The following SHANK2 variants were observed in gnomAD, a reference collection of about 807,000 sequenced individuals.
SHANK2 encodes SH3 and multiple ankyrin repeat domains 2.
A neutral mutation model predicts 133.7 loss-of-function variants in SHANK2; 43 were observed. The ratio of observed to expected loss-of-function variants is 0.32; its 90% CI spans 0.25 to 0.41. The LOEUF is 0.41. SHANK2 is among the 10% of genes least tolerant of loss of function. SHANK2 has a pLI of 1.00. For missense variants in SHANK2, 1,994 were observed against 2,235.8 expected, an observed-to-expected ratio of 0.89 and a Z score of 2.18; for synonymous variants, 1,017 against 952.8, an observed-to-expected ratio of 1.07 and a Z score of -1.24.
intron 14 of SHANK2, among the ~76,000 whole-genome samples, chr11:70,798,065 G>A (rs533832012): frequency 2.0e-5 from 3 of 152,262 alleles, no homozygotes; most frequent in East Asian, 1.9e-4. Flanking sequence ...TTCTCAGGGC[G>A]GCACAGGAGC....
chr11:71,171,549 G>GAGGAT (rs1445491583), intron 2 of SHANK2, among the ~76,000 whole-genome samples: 1 of 152,220 alleles, frequency 6.6e-6, no homozygotes, highest in African/African-American at 2.4e-5. Flanking sequence ...AAAGACAAGA[G>GAGGAT]AGGATGAGTG....
rs782000503 is a variant in SHANK2 at position 70,830,100 on chromosome 11, C to T, written c.1175-9418G>A. On this transcript the variant is annotated intron_variant, in intron 11 of 25. Transcript: ENST00000601538. This position sits in a 1 kb window ranked among gnomAD's most constrained non-coding sequence, Gnocchi z 4.4. ...CTTCCTCATTTGCCAAGAAGTCTGG[C>T]GCTGAAGGCACAGACTCTGCCCCGA... 1.3e-5 allele frequency among the ~76,000 whole-genome samples: 2 copies of T among 152,306 alleles called. No homozygotes were observed. Among genetic ancestry groups the T allele is most frequent in the Middle Eastern group, 3.4e-3 (1 of 294 alleles).
intron 17 of SHANK2, among the ~76,000 whole-genome samples, chr11:70,637,264 C>A (rs1197884399): frequency 6.6e-6 from 1 of 152,176 alleles, no homozygotes; most frequent in Non-Finnish European, 1.5e-5. Context: ...AGCACTCAGG[C>A]TCTGTGAGGG....
chr11:70,894,160 G>A (rs530084577), intron 11 of SHANK2, among the ~76,000 whole-genome samples: 2 of 152,274 alleles, frequency 1.3e-5, no homozygotes, highest in East Asian at 3.9e-4. Context: ...GTGCTTCAAC[G>A]TACTTGGAAA....
intron 11 of SHANK2, among the ~76,000 whole-genome samples, chr11:70,855,867 G>A (rs912429497): frequency 6.6e-6 from 1 of 151,722 alleles, no homozygotes; most frequent in Non-Finnish European, 1.5e-5. Context: ...AAGTGAATGA[G>A]CAGAAACACT....
At chr11:70,871,114 G>C (rs1480417037) in intron 11 of SHANK2, among the ~76,000 whole-genome samples, 1 of 152,168 alleles carries the variant, frequency 6.6e-6, no homozygotes, top group Non-Finnish European at 1.5e-5. Flanking sequence ...AGTCCTACTG[G>C]ATTAGGGCCC....
intron 10 of SHANK2, among the ~76,000 whole-genome samples, chr11:70,945,561 C>T (rs564043206): frequency 2.6e-4 from 40 of 152,316 alleles, no homozygotes; most frequent in East Asian, 9.7e-4. Flanking sequence ...TTTCACACAA[C>T]GGAGCCCAGG....
chr11:70,827,031 T>C (rs1334147573), intron 11 of SHANK2, among the ~76,000 whole-genome samples: 1 of 152,194 alleles, frequency 6.6e-6, no homozygotes, highest in African/African-American at 2.4e-5. Context: ...AGTTTGTTTG[T>C]CAGCTAGCAG....
At chr11:71,163,326 T>A (rs1346504679) in intron 2 of SHANK2, among the ~76,000 whole-genome samples, 8 of 152,132 alleles carry the variant, frequency 5.3e-5, no homozygotes, top group Non-Finnish European at 1.2e-4. Flanking sequence ...TAGATGACCA[T>A]GGCACAGGGT....
intron 6 of SHANK2, among the ~76,000 whole-genome samples, chr11:71,103,875 C>T (rs868972477): frequency 4.5e-5 from 6 of 132,252 alleles, no homozygotes; most frequent in African/African-American, 1.4e-4. Context: ...CCTCTCCCCC[C>T]CTCTTTCTCT....
intron 3 of SHANK2, among the ~76,000 whole-genome samples, chr11:71,134,686 C>T (rs560403503): frequency 8.0e-4 from 122 of 152,132 alleles, no homozygotes; most frequent in African/African-American, 2.5e-3. Flanking sequence ...ATACTCCACC[C>T]GCCTCGGCCT....
At chr11:70,509,470 C>T (rs1317826774) in intron 17 of SHANK2, among the ~76,000 whole-genome samples, 2 of 152,256 alleles carry the variant, frequency 1.3e-5, no homozygotes, top group African/African-American at 4.8e-5. Flanking sequence ...TGGAGCTCTG[C>T]ACTCTTCCTT....
chr11:70,671,204 C>T lies in SHANK2; in HGVS notation c.1854-9526G>A, dbSNP rs372235028. Reference sequence around the variant, plus strand: ...GAACGGCTGGCGGAGGAGACAGATACGGCTTAACTGCGCTCATGATCATGA... The same window carrying T: ...GAACGGCTGGCGGAGGAGACAGATATGGCTTAACTGCGCTCATGATCATGA... On this transcript the variant is annotated intron_variant, in intron 15 of 25. Coordinates refer to ENST00000601538, the MANE Select transcript of SHANK2 (RefSeq NM_012309.5). Among the ~76,000 whole-genome samples, 191 of 152,308 alleles carry T rather than the reference C, an allele frequency of 1.3e-3. 6 individuals are homozygous for T. The South Asian group carries it at 0.036, about 29-fold the overall frequency.
chr11:70,768,165 A>C (rs1470439), intron 14 of SHANK2, among the ~76,000 whole-genome samples: 147,480 of 152,280 alleles, frequency 0.97, 71,497 homozygotes, highest in Non-Finnish European at 0.99. Context: ...ATCAAAGAGA[A>C]GGTGCAGCAT....
intron 17 of SHANK2, among the ~76,000 whole-genome samples, chr11:70,514,152 C>G (rs2059238286): frequency 6.6e-6 from 1 of 152,118 alleles, no homozygotes. Flanking sequence ...TATTCACACT[C>G]TAAATAAAAA....
intron 14 of SHANK2, among the ~76,000 whole-genome samples, chr11:70,700,821 G>A (rs1350172253): frequency 6.6e-6 from 1 of 152,208 alleles, no homozygotes; most frequent in Non-Finnish European, 1.5e-5. Context: ...TGGATGAGGG[G>A]CCCAGCACGT....
chr11:70,593,672 A>C (rs1185270414), intron 17 of SHANK2, among the ~76,000 whole-genome samples: 1 of 152,232 alleles, frequency 6.6e-6, no homozygotes, highest in Non-Finnish European at 1.5e-5. Flanking sequence ...GCTAAAGGGC[A>C]TTCAGTGTCA....
At chr11:71,119,258 T>G (rs1315530964) in intron 3 of SHANK2, among the ~76,000 whole-genome samples, 4 of 152,174 alleles carry the variant, frequency 2.6e-5, no homozygotes, top group Non-Finnish European at 5.9e-5. Context: ...GGCATTGGTC[T>G]CTTTGGCCTT....
intron 12 of SHANK2, among the ~76,000 whole-genome samples, chr11:70,816,718 C>G (rs1490491530): frequency 6.6e-6 from 1 of 152,204 alleles, no homozygotes; most frequent in Non-Finnish European, 1.5e-5. Context: ...TTGGGTTGCA[C>G]AGTCCTGTGA....
Sources: allele counts gnomAD v4.1 joint callset (sites outside exome capture counted in the v4.1 genomes callset), GRCh38; gene constraint gnomAD v4.1.1; non-coding constraint Gnocchi (gnomAD v3.1); transcripts MANE v1.5; gene names NCBI Gene and HGNC (gene_info 2026-07-23, HGNC 2026-07-21).